The following FXYD1 variants were observed in gnomAD, a reference collection of about 807,000 sequenced individuals.
The protein encoded by FXYD1 is FXYD domain containing ion transport regulator 1.
A neutral mutation model predicts 17.2 loss-of-function variants in FXYD1; 9 were observed. That is an observed-to-expected ratio of 0.52 (90% CI 0.32 to 0.91). The LOEUF (loss-of-function observed/expected upper bound fraction) is 0.91, where lower values mean the gene tolerates loss of function less well. Among genes scored for constraint, FXYD1 ranks in the 40% least tolerant of loss-of-function variants. FXYD1 has a pLI of 0.04. For missense variants in FXYD1, 113 were observed against 120.6 expected, an observed-to-expected ratio of 0.94 and a Z score of 0.29; for synonymous variants, 55 against 45.8, an observed-to-expected ratio of 1.20 and a Z score of -0.81.
Position 35,142,749 on chromosome 19 carries a change from C to G in FXYD1, c.*7C>G, listed in dbSNP as rs377667040. ...GTCCACCCGCAGGCGGTAGAAACACCTGGAGCGATGGAATCCGGCCAGGTG... is the reference window on the plus strand; with the variant it reads ...GTCCACCCGCAGGCGGTAGAAACACGTGGAGCGATGGAATCCGGCCAGGTG... On this transcript the variant is annotated 3_prime_UTR_variant, in exon 7 of 8. Coordinates refer to ENST00000351325, the MANE Select transcript of FXYD1 (RefSeq NM_021902.4). The G allele has an allele frequency of 1.2e-6, 2 of 1,613,090 alleles. No homozygotes were observed. The highest frequency in any genetic ancestry group is 2.7e-5 in the African/African-American group (2 of 74,888).
At chr19:35,139,457 G>A (rs2065229946) in intron 1 of FXYD1, 1 of 152,402 alleles carries the variant, frequency 6.6e-6, no homozygotes, top group South Asian at 2.1e-4. Flanking sequence ...GAGACGGGGT[G>A]ACCTTTCCCA....
Position 35,140,114 on chromosome 19 carries a change from T to A in FXYD1, c.35T>A (p.Val12Glu). 1 of 1,603,936 alleles carries A rather than the reference T, an allele frequency of 6.2e-7. No homozygotes were observed. Among genetic ancestry groups the A allele is most frequent in the Non-Finnish European group, 8.5e-7 (1 of 1,170,780 alleles). The change falls in exon 2 of 8, where the codon GTG (valine) becomes GAG (glutamate). Residue 12 changes from valine to glutamate, a missense_variant. Val to Glu is a moderately radical substitution (Grantham distance 121). Transcript: ENST00000351325. Reference sequence around the variant, plus strand: ...CTTGGCCACATCTTGGTTTTCTGTGTGGGTCTCCTCACCATGGCCAAGGCA... The same window carrying A: ...CTTGGCCACATCTTGGTTTTCTGTGAGGGTCTCCTCACCATGGCCAAGGCA... The part of the protein sequence containing the change: ...ASLGHILVFC[V>E]GLLTMAKAES...
At chr19:35,138,923 G>T (rs1451253010) in intron 1 of FXYD1, 29 bp downstream of exon 1, 1 of 152,562 alleles carries the variant, frequency 6.6e-6, no homozygotes, top group Admixed American at 6.5e-5. Context: ...TTCCCTCCAG[G>T]CCTCACCCCT....
At chr19:35,139,208 G>T (rs1363272336) in intron 1 of FXYD1, 4 of 152,908 alleles carry the variant, frequency 2.6e-5, no homozygotes, top group African/African-American at 9.7e-5. Flanking sequence ...CCCACGTCCT[G>T]CTCCAACCAG....
intron 5 of FXYD1, 44 bp from the exon 6 acceptor site, chr19:35,142,428 C>T: frequency 6.7e-7 from 1 of 1,501,680 alleles, no homozygotes. Flanking sequence ...AGGGCAGCCT[C>T]TCCCCCTTTC....
chr19:35,140,191 G>T (rs765946274), intron 2 of FXYD1, 51 bp downstream of exon 2: 2 of 1,100,816 alleles, frequency 1.8e-6, no homozygotes, highest in Non-Finnish European at 1.4e-6. Flanking sequence ...AGGGGTGGCG[G>T]TGGGGACCGA....
intron 1 of FXYD1, chr19:35,139,195 C>T (rs1473525765): frequency 1.3e-5 from 2 of 152,552 alleles, no homozygotes; most frequent in Non-Finnish European, 1.5e-5. Flanking sequence ...ACGGTGTTTA[C>T]ACCCCACGTC....
At chr19:35,141,299 C>A in intron 4 of FXYD1, 93 bp downstream of exon 4, 1 of 299,826 alleles carries the variant, frequency 3.3e-6, no homozygotes, top group Non-Finnish European at 5.6e-6. Flanking sequence ...TCTCCCTAGC[C>A]CCCCTCTCCC....
At chr19:35,137,259 C>T (rs935468137), upstream of FXYD1, among the ~76,000 whole-genome samples, 2 of 152,188 alleles carry the variant, frequency 1.3e-5, no homozygotes, top group African/African-American at 4.8e-5. Context: ...GTCACCAGGA[C>T]CTGTAAACCT....
intron 3 of FXYD1, 65 bp downstream of exon 3, chr19:35,140,694 C>T (rs2145382694): frequency 7.4e-7 from 1 of 1,345,976 alleles, no homozygotes; most frequent in Non-Finnish European, 1.1e-6. Flanking sequence ...TTTGATTCCC[C>T]CTCGCCCTCC....
At position 35,141,207 on chromosome 19, in the gene FXYD1, G is replaced by A. The variant is rs2065249467; in HGVS notation, c.169+1G>A. ...ATCCTGGGCATCCTCATCGTGCTGA[G>A]TGAGTGCCCCTAGCTCCCGCCCTCT... On this transcript the variant is annotated splice_donor_variant, in intron 4 of 7. Coordinates refer to ENST00000351325, the MANE Select transcript of FXYD1 (RefSeq NM_021902.4). LOFTEE classifies it high-confidence loss of function. The A allele has an allele frequency of 1.9e-6, 3 of 1,592,616 alleles. No homozygotes were observed. Among genetic ancestry groups the A allele is most frequent in the African/African-American group, 2.7e-5 (2 of 74,286 alleles).
intron 5 of FXYD1, 87 bp from the exon 6 acceptor site, chr19:35,142,385 G>A: frequency 9.7e-7 from 1 of 1,027,364 alleles, no homozygotes; most frequent in Non-Finnish European, 1.5e-6. Context: ...ACACCAATCT[G>A]GGAAAGGAGG....
chr19:35,141,548 G>A lies in FXYD1; in HGVS notation c.182G>A (p.Arg61Gln). The A allele has an allele frequency of 6.2e-7, 1 of 1,610,594 alleles. No individual in the cohort carries two copies. Among genetic ancestry groups the A allele is most frequent in the African/African-American group, 1.3e-5 (1 of 74,880 alleles). Residue 61 changes from arginine to glutamine, a missense_variant, in exon 5 of 8, where the codon CGG becomes CAG. Transcript: ENST00000351325. ...TCCACGCCCACAGGCAGAAGATGCCGGTGCAAGTTCAACCAGCAGCAGAGG... is the reference window on the plus strand; with the variant it reads ...TCCACGCCCACAGGCAGAAGATGCCAGTGCAAGTTCAACCAGCAGCAGAGG... ...GILIVLSRRC[R>Q]CKFNQQQRTG...
chr19:35,138,365 C>A (rs796741023), upstream of FXYD1: 1 of 151,696 alleles, frequency 6.6e-6, no homozygotes, highest in Non-Finnish European at 1.5e-5. Context: ...AGATAGCGCA[C>A]ATGCGCGCGC....
rs766934917 is a variant in FXYD1, at chr19:35,142,507, G to T, written c.242G>T (p.Arg81Leu). Reference protein sequence around the residue: ...GEPDEEEGTFRSSIRRLSTRR... With the variant: ...GEPDEEEGTFLSSIRRLSTRR... ...CCCGATGAAGAGGAGGGAACTTTCC[G>T]CAGCTCCATCCGCCGTGAGTCTGGG... is the stretch of plus-strand genomic sequence containing the variant. Residue 81 changes from arginine to leucine, a missense_variant, in exon 6 of 8, where the codon CGC becomes CTC. By Grantham distance (102) the Arg-to-Leu change is moderately radical (BLOSUM62 -2). Transcript: ENST00000351325. 6.2e-6 allele frequency: 10 copies of T among 1,613,154 alleles called. No individual in the cohort carries two copies. The highest frequency in any genetic ancestry group is 2.5e-6 in the Non-Finnish European group (3 of 1,179,406).
intron 1 of FXYD1, chr19:35,139,261 CTGTGTG>C (rs56256016): frequency 0.015 from 2,194 of 146,192 alleles, 40 homozygotes; most frequent in African/African-American, 0.039. Flanking sequence ...TCCGGCCCCA[CTGTGTG>C]TGTGTGTGTG....
rs879754473 is a variant in FXYD1 at position 35,141,763 on chromosome 19, G to GCC, written c.206+192_206+193insCC. Among the ~76,000 whole-genome samples the GCC allele has an allele frequency of 4.2e-3, 643 of 152,368 alleles. 20 individuals carry two copies. Among genetic ancestry groups the GCC allele is most frequent in the Admixed American group, 0.037 (573 of 15,310 alleles). ...AAAACCTCCCGCCCTTCCTGGCCGA[G>GCC]CTCCCAGCCTAGTGGAGGCGGTGGC... On this transcript the variant is annotated intron_variant, in intron 5 of 7. Transcript: ENST00000351325.
At chr19:35,140,566 C>T (rs2065241980) in intron 2 of FXYD1, 31 bp from the exon 3 acceptor site, 1 of 1,609,340 alleles carries the variant, frequency 6.2e-7, no homozygotes, top group African/African-American at 1.3e-5. Flanking sequence ...CCCCAGGAAG[C>T]ATTCAACCCC....
At chr19:35,140,843 T>C (rs2065244784) in intron 3 of FXYD1, 9 of 596,664 alleles carry the variant, frequency 1.5e-5, no homozygotes, top group South Asian at 1.2e-4. Flanking sequence ...TGGTTCTCTT[T>C]CTCTTGCCTG....
Sources: allele counts gnomAD v4.1 joint callset (sites outside exome capture counted in the v4.1 genomes callset), GRCh38; gene constraint gnomAD v4.1.1; transcripts MANE v1.5; gene names NCBI Gene and HGNC (gene_info 2026-07-23, HGNC 2026-07-21).